Variants in LRRTM4 observed in about 807,000 individuals in gnomAD.
The protein encoded by LRRTM4 is leucine rich repeat transmembrane neuronal 4, also known as leucine-rich repeat transmembrane neuronal protein 4.
Under a neutral mutation model 47.6 loss-of-function variants are expected in LRRTM4, and 25 were observed. That is an observed-to-expected ratio of 0.53 (90% confidence interval 0.38 to 0.73). The LOEUF is 0.73. Ranked by LOEUF, LRRTM4 falls within the 30% of genes least tolerant of loss-of-function variation. The pLI is 0.00. For missense variants in LRRTM4, 638 were observed against 713.4 expected (o/e 0.89, Z 1.20); for synonymous variants, 311 against 269.5 (o/e 1.15, Z -1.51).
At chr2:76,771,184 C>G (rs991337157) in intron 3 of LRRTM4, among the ~76,000 whole-genome samples, 1 of 152,126 alleles carries the variant, frequency 6.6e-6, no homozygotes, top group African/African-American at 2.4e-5. Flanking sequence ...ATCACTGATT[C>G]CTCACTTTCA....
chr2:77,187,927 AAAC>A (rs1673556060), intron 3 of LRRTM4, among the ~76,000 whole-genome samples: 2 of 152,158 alleles, frequency 1.3e-5, no homozygotes, highest in African/African-American at 4.8e-5. Flanking sequence ...TGTTATGTTA[AAAC>A]ACAACTGTTA....
intron 3 of LRRTM4, among the ~76,000 whole-genome samples, chr2:76,833,641 T>G (rs763459907): frequency 6.6e-6 from 1 of 151,922 alleles, no homozygotes; most frequent in Non-Finnish European, 1.5e-5. Context: ...TAAATACATA[T>G]TTGTAAAATT....
intron 3 of LRRTM4, among the ~76,000 whole-genome samples, chr2:77,049,466 T>G (rs1679353817): frequency 6.6e-6 from 1 of 151,698 alleles, no homozygotes. Context: ...TTATTTTTTG[T>G]CTTTTTAATA....
At chr2:76,773,956 T>C (rs62170454) in intron 3 of LRRTM4, among the ~76,000 whole-genome samples, 37,095 of 151,884 alleles carry the variant, frequency 0.24, 5,647 homozygotes, top group Non-Finnish European at 0.34. Context: ...GAGATAATTA[T>C]AGCTGTTTGA....
intron 3 of LRRTM4, among the ~76,000 whole-genome samples, chr2:76,928,577 C>G (rs1316523482): frequency 1.3e-5 from 2 of 152,074 alleles, no homozygotes; most frequent in Admixed American, 6.6e-5. Context: ...GCAGTCGTGC[C>G]TTAAATGATT....
rs763921214 is a variant in LRRTM4 at position 77,165,046 on chromosome 2, C to T, written c.1551+353272G>A. Among the ~76,000 whole-genome samples the T allele has an allele frequency of 1.4e-3, 214 of 151,970 alleles. 1 individual carries two copies. Among genetic ancestry groups the T allele is most frequent in the Non-Finnish European group, 2.3e-3 (158 of 67,976 alleles). ...GGAGCTCTTTTTTTGAAAAGATCAA[C>T]AAAATTGGTAGACTGCTAGCAAGAC... On this transcript the variant is annotated intron_variant, in intron 3 of 3. Transcript: ENST00000409884.
intron 3 of LRRTM4, among the ~76,000 whole-genome samples, chr2:77,384,121 C>G (rs377460273): frequency 6.6e-6 from 1 of 151,790 alleles, no homozygotes; most frequent in African/African-American, 2.4e-5. Flanking sequence ...ATATTCTTTA[C>G]GGATTTTTAG....
chr2:77,007,652 G>C (rs185016154), intron 3 of LRRTM4, among the ~76,000 whole-genome samples: 3 of 152,130 alleles, frequency 2.0e-5, no homozygotes, highest in Non-Finnish European at 4.4e-5. Flanking sequence ...GAATAATTTT[G>C]CAAGTAAATC....
At chr2:77,516,059 T>C (rs756632682) in intron 3 of LRRTM4, among the ~76,000 whole-genome samples, 14 of 151,846 alleles carry the variant, frequency 9.2e-5, no homozygotes, top group Non-Finnish European at 1.6e-4. Context: ...AATGGACATA[T>C]GATCTTAAAT....
chr2:77,216,191 A>G (rs1384497939), intron 3 of LRRTM4, among the ~76,000 whole-genome samples: 1 of 152,236 alleles, frequency 6.6e-6, no homozygotes, highest in Non-Finnish European at 1.5e-5. Flanking sequence ...CTGGACAGTC[A>G]GGTGAAATAT....
At chr2:76,806,927 A>C (rs1675998376) in intron 3 of LRRTM4, among the ~76,000 whole-genome samples, 1 of 152,178 alleles carries the variant, frequency 6.6e-6, no homozygotes, top group Non-Finnish European at 1.5e-5. Context: ...TGACTTATAA[A>C]CTTATGGCCA....
At chr2:77,375,784 A>C (rs1025447008) in intron 3 of LRRTM4, among the ~76,000 whole-genome samples, 5 of 151,738 alleles carry the variant, frequency 3.3e-5, no homozygotes, top group Non-Finnish European at 5.9e-5. Flanking sequence ...TCCAATTTTG[A>C]ATAGTATTCA....
chr2:77,307,653 T>A (rs1476521281), intron 3 of LRRTM4, among the ~76,000 whole-genome samples: 3 of 52,584 alleles, frequency 5.7e-5, no homozygotes, highest in African/African-American at 4.5e-4. Context: ...TATATCTATA[T>A]ATTATAGAAA....
chr2:77,503,399 C>T (rs1173530375), intron 3 of LRRTM4, among the ~76,000 whole-genome samples: 1 of 151,428 alleles, frequency 6.6e-6, no homozygotes, highest in African/African-American at 2.4e-5. Flanking sequence ...ATTCACAAAA[C>T]AAGAAATACC....
chr2:77,457,002 GTGTATATATATATATATATATATATA>G (rs1323886680), intron 3 of LRRTM4, among the ~76,000 whole-genome samples: 2 of 12,590 alleles, frequency 1.6e-4, no homozygotes, highest in Admixed American at 8.0e-4. Flanking sequence ...ATGTGTGTGT[GTGTATATATATATATATATATATATA>G]TATATATATA....
chr2:77,230,691 G>T (rs761446682), intron 3 of LRRTM4, among the ~76,000 whole-genome samples: 1 of 152,050 alleles, frequency 6.6e-6, no homozygotes, highest in Non-Finnish European at 1.5e-5. Context: ...ATTGAATAAA[G>T]CACATAACTC....
intron 3 of LRRTM4, among the ~76,000 whole-genome samples, chr2:77,353,066 A>G (rs1019032111): frequency 3.9e-5 from 6 of 152,190 alleles, no homozygotes; most frequent in African/African-American, 9.6e-5. Context: ...CATGTGATAA[A>G]TGAAATTCAA....
intron 3 of LRRTM4, among the ~76,000 whole-genome samples, chr2:76,942,713 T>C (rs989178700): frequency 1.4e-4 from 22 of 151,862 alleles, no homozygotes; most frequent in African/African-American, 4.8e-4. Context: ...TGTTTAAATC[T>C]GTACAAAGTA....
At position 76,999,072 on chromosome 2, in the gene LRRTM4, T is replaced by C. The variant is rs556840720; in HGVS notation, c.1552-250156A>G. Among the ~76,000 whole-genome samples, 117 of 152,264 alleles carry C rather than the reference T, an allele frequency of 7.7e-4. 3 individuals carry two copies. In the South Asian group the frequency reaches 0.022, roughly 29 times the overall value. ...ACTTCATAGATGGTTGTTGATATTATTGTTGTTACTGTTGTTGTGTGTGTG... is the reference window on the plus strand; with the variant it reads ...ACTTCATAGATGGTTGTTGATATTACTGTTGTTACTGTTGTTGTGTGTGTG... On this transcript the variant is annotated intron_variant, in intron 3 of 3. Coordinates refer to ENST00000409884, the MANE Select transcript of LRRTM4 (RefSeq NM_001134745.3).
Sources: gnomAD v4.1 joint callset for allele counts (sites outside exome capture counted in the v4.1 genomes callset) on GRCh38, gnomAD v4.1.1 for gene constraint, MANE v1.5 for transcripts, NCBI Gene and HGNC (gene_info 2026-07-23, HGNC 2026-07-21) for gene names.